ARAP2: variants seen among roughly 807,000 people sequenced by gnomAD.
ARAP2 encodes arf-GAP with Rho-GAP domain, ANK repeat and PH domain-containing protein 2.
A neutral mutation model predicts 194.5 loss-of-function variants in ARAP2; 148 were observed. That is an observed-to-expected ratio of 0.76 (90% CI 0.67 to 0.87). The LOEUF is 0.87. ARAP2 is among the 40% of genes least tolerant of loss of function. The probability of loss-of-function intolerance (pLI) is 0.00; values close to 1 mark genes in which losing one functional copy is unlikely to be tolerated. For missense variants in ARAP2, 2,128 were observed against 1,989.7 expected (o/e 1.07, Z -1.32); for synonymous variants, 695 against 683.5 (o/e 1.02, Z -0.26).
intron 1 of ARAP2, among the ~76,000 whole-genome samples, chr4:36,239,021 C>A (rs537999796): frequency 6.6e-6 from 1 of 152,240 alleles, no homozygotes; most frequent in South Asian, 2.1e-4. Context: ...CGCCTGTAAT[C>A]CCCATACACT....
chr4:36,050,839 C>G (rs779449970), intron 3 of ARAP2, among the ~76,000 whole-genome samples: 1 of 152,160 alleles, frequency 6.6e-6, no homozygotes, highest in Non-Finnish European at 1.5e-5. Context: ...GATATTCCAG[C>G]GCTCTATTGC....
chr4:36,222,420 G>T (rs915331833), intron 2 of ARAP2, among the ~76,000 whole-genome samples: 1 of 151,576 alleles, frequency 6.6e-6, no homozygotes, highest in African/African-American at 2.4e-5. Context: ...CAACAACTTA[G>T]GATAATAAAT....
intron 9 of ARAP2, among the ~76,000 whole-genome samples, chr4:36,170,389 A>T (rs974672085): frequency 1.3e-5 from 2 of 152,214 alleles, no homozygotes; most frequent in African/African-American, 4.8e-5. Context: ...GGAGTTCAAG[A>T]CCAGCCTGAG....
chr4:36,041,632 A>G (rs1720881538), intron 5 of ARAP2, among the ~76,000 whole-genome samples: 1 of 152,198 alleles, frequency 6.6e-6, no homozygotes, highest in Non-Finnish European at 1.5e-5. Context: ...AATTCTACAA[A>G]GAGCTAAAAG....
intron 5 of ARAP2, among the ~76,000 whole-genome samples, chr4:36,211,964 A>G (rs1381426428): frequency 6.6e-6 from 1 of 152,096 alleles, no homozygotes; most frequent in African/African-American, 2.4e-5. Context: ...TATGTGATCC[A>G]AATAACTGGA....
rs985414776 is a variant in ARAP2 at position 36,010,880 on chromosome 4, G to A, written n.1325+1683C>T. Among the ~76,000 whole-genome samples the A allele has an allele frequency of 2.0e-5, 3 of 152,106 alleles. No homozygotes were observed. The East Asian group carries it at 5.8e-4, about 29-fold the overall frequency. ...CAAATGAATTGTGTTATATATCTTGGTGCCTTGTGTCAAACATGTTTTACA... is the reference window on the plus strand; with the variant it reads ...CAAATGAATTGTGTTATATATCTTGATGCCTTGTGTCAAACATGTTTTACA... On this transcript the variant is annotated intron_variant and non_coding_transcript_variant, in intron 9 of 12. Coordinates refer to the ARAP2 transcript ENST00000503225.
chr4:36,040,897 G>A (rs755596907), intron 5 of ARAP2, among the ~76,000 whole-genome samples: 5 of 152,150 alleles, frequency 3.3e-5, no homozygotes, highest in Admixed American at 2.0e-4. Context: ...GAAGAGAGAA[G>A]GCATTTTTGT....
At chr4:36,043,842 AG>A (rs1491165955) in intron 5 of ARAP2, among the ~76,000 whole-genome samples, 1 of 36,838 alleles carries the variant, frequency 2.7e-5, no homozygotes, top group African/African-American at 1.0e-4. Context: ...AGGGGAGGGG[AG>A]GGGGGAGGGG....
At chr4:36,147,145 G>T in intron 19 of ARAP2, 151 bp downstream of exon 19, 2 of 568,836 alleles carry the variant, frequency 3.5e-6, no homozygotes, top group Non-Finnish European at 6.2e-6. Flanking sequence ...TCCAAAGAGA[G>T]CTAATATATA....
intron 21 of ARAP2, among the ~76,000 whole-genome samples, chr4:36,128,102 A>G (rs1264724560): frequency 1.3e-5 from 2 of 151,998 alleles, no homozygotes; most frequent in Non-Finnish European, 2.9e-5. Context: ...AAATTGTTAT[A>G]TACACTAAAG....
rs766130790 is a variant in ARAP2 at position 36,114,306 on chromosome 4, T to G, written c.4039-19A>C. On this transcript the variant is annotated intron_variant, in intron 25 of 32. Coordinates refer to ENST00000303965, the MANE Select transcript of ARAP2 (RefSeq NM_015230.4). ...GAGATATCTGTAAGAGAAGTAATAT[T>G]TTTTCAAAAAACGTGTTAGACACAG... The G allele has an allele frequency of 2.7e-6, 4 of 1,506,802 alleles. No individual in the cohort carries two copies. In the South Asian group the frequency reaches 4.7e-5, roughly 18 times the overall value. The allele number at this position is 1,506,802 out of a possible 1,614,324, so 93.3% of individuals were successfully genotyped here.
At chr4:36,089,907 A>G (rs1404737837) in intron 28 of ARAP2, among the ~76,000 whole-genome samples, 1 of 151,956 alleles carries the variant, frequency 6.6e-6, no homozygotes, top group African/African-American at 2.4e-5. Context: ...ATTTTTCTCA[A>G]TCTGGGACTT....
In ARAP2 at chr4:36,091,913, C is replaced by A; in HGVS notation, c.4393G>T (p.Asp1465Tyr). 2 of 1,606,778 alleles carry A rather than the reference C, an allele frequency of 1.2e-6. No homozygotes were observed. The highest frequency in any genetic ancestry group is 1.7e-6 in the Non-Finnish European group (2 of 1,174,676). ...KFQDRYFVLR[D>Y]GFLFLYKDVK... ...TCCTTGTAAAGAAAGAGAAACCCAT[C>A]TCGTAAAACAAAATACCGGTCTTGA... Residue 1465 changes from aspartate (D) to tyrosine (Y), a missense_variant, in exon 28 of 33, where the codon GAT becomes TAT. Coordinates refer to ENST00000303965, the MANE Select transcript of ARAP2 (RefSeq NM_015230.4).
rs146101464 is a variant in ARAP2, at chr4:36,018,959, T to G, written n.750+185A>C. On this transcript the variant is annotated intron_variant and non_coding_transcript_variant, in intron 6 of 12. Coordinates refer to the ARAP2 transcript ENST00000503225. ...AGGGCCAAGCTAAAGAAAAATGGCATATAGGCAGAGGAGAGCAGCTTGGAA... is the reference window on the plus strand; with the variant it reads ...AGGGCCAAGCTAAAGAAAAATGGCAGATAGGCAGAGGAGAGCAGCTTGGAA... 5.2e-3 allele frequency among the ~76,000 whole-genome samples: 787 copies of G among 150,278 alleles called. 108 individuals are homozygous for G. Among genetic ancestry groups the G allele is most frequent in the African/African-American group, 0.019 (760 of 39,654 alleles).
At chr4:36,095,210 C>T (rs1010143462) in intron 27 of ARAP2, among the ~76,000 whole-genome samples, 2 of 152,112 alleles carry the variant, frequency 1.3e-5, no homozygotes, top group African/African-American at 2.4e-5. Flanking sequence ...GAGCCACCAG[C>T]GATAGATGTT....
chr4:36,210,030 T>C lies in ARAP2; in HGVS notation c.1487+360A>G, dbSNP rs74399975. Among the ~76,000 whole-genome samples, 129 of 152,256 alleles carry C rather than the reference T, an allele frequency of 8.5e-4. 1 individual carries two copies. The East Asian group carries it at 0.022, about 26-fold the overall frequency. On this transcript the variant is annotated intron_variant, in intron 6 of 32. Coordinates refer to ENST00000303965, the MANE Select transcript of ARAP2 (RefSeq NM_015230.4). ...TATGATATGAGCAAAAGCCAAACAG[T>C]GTGGGCTGAGTAATACTAACTCAGT...
At chr4:36,237,230 T>C (rs1321189732) in intron 1 of ARAP2, among the ~76,000 whole-genome samples, 1 of 152,222 alleles carries the variant, frequency 6.6e-6, no homozygotes, top group Non-Finnish European at 1.5e-5. Flanking sequence ...CAAAATCAAA[T>C]AACAAATTAT....
chr4:36,009,859 T>C (rs1375753311), intron 9 of ARAP2, among the ~76,000 whole-genome samples: 1 of 121,508 alleles, frequency 8.2e-6, no homozygotes, highest in Non-Finnish European at 1.7e-5. Context: ...GAAGTAAAAT[T>C]CAGAAGCTCC....
At chr4:36,225,250 GA>G (rs1276106766) in intron 2 of ARAP2, among the ~76,000 whole-genome samples, 2 of 152,114 alleles carry the variant, frequency 1.3e-5, no homozygotes, top group Admixed American at 1.3e-4. Flanking sequence ...ACCTTAAAAA[GA>G]AGGCTTTGAG....
Sources: gnomAD v4.1 joint callset for allele counts (sites outside exome capture counted in the v4.1 genomes callset) on GRCh38, gnomAD v4.1.1 for gene constraint, MANE v1.5 for transcripts, NCBI Gene and HGNC (gene_info 2026-07-23, HGNC 2026-07-21) for gene names.